WWOX: variants seen among roughly 807,000 people sequenced by gnomAD.
WWOX encodes WW domain-containing oxidoreductase.
Under a neutral mutation model 46.2 loss-of-function variants are expected in WWOX, and 69 were observed. The observed-to-expected ratio is 1.49, with a 90% CI of 1.23 to 1.82. The LOEUF (loss-of-function observed/expected upper bound fraction) is 1.82. WWOX is among the 40% of genes most tolerant of loss of function. WWOX has a pLI of 0.00. For missense variants in WWOX, 919 were observed against 542.6 expected (o/e 1.69, Z -6.89); for synonymous variants, 359 against 202.6 (o/e 1.77, Z -6.56).
chr16:79,117,626 A>C (rs2049543158), intron 8 of WWOX, among the ~76,000 whole-genome samples: 2 of 152,222 alleles, frequency 1.3e-5, no homozygotes, highest in African/African-American at 2.4e-5. Flanking sequence ...CTTCCAACAG[A>C]AAGCTGTTTT....
rs1567587185 is a variant in WWOX, at chr16:78,461,976, G to C, written c.1056+29224G>C. 4.6e-5 allele frequency among the ~76,000 whole-genome samples: 7 copies of C among 152,312 alleles called. No individual in the cohort carries two copies. The South Asian group carries it at 1.4e-3, about 32-fold the overall frequency. On this transcript the variant is annotated intron_variant, in intron 8 of 8. Coordinates refer to ENST00000566780, the MANE Select transcript of WWOX (RefSeq NM_016373.4). The stretch of plus-strand genomic sequence containing the variant: ...TATCCCAATGGAAGGACCCTCAACA[G>C]ACCATTTTCAGCATTTTGCTACAAT...
At chr16:78,113,072 C>G (rs763672773) in intron 3 of WWOX, among the ~76,000 whole-genome samples, 1 of 152,208 alleles carries the variant, frequency 6.6e-6, no homozygotes, top group Non-Finnish European at 1.5e-5. Context: ...TTTGCATTCA[C>G]GCTTGGAAAG....
At chr16:79,189,106 A>G (rs1204938538) in intron 8 of WWOX, among the ~76,000 whole-genome samples, 3 of 152,206 alleles carry the variant, frequency 2.0e-5, no homozygotes, top group Non-Finnish European at 4.4e-5. Context: ...CTTGTCTGCT[A>G]GAAACCTAGG....
chr16:78,633,591 C>A (rs1465658463), intron 8 of WWOX, among the ~76,000 whole-genome samples: 1 of 152,164 alleles, frequency 6.6e-6, no homozygotes, highest in Non-Finnish European at 1.5e-5. Context: ...AGGCCTCTGG[C>A]TTCAGAGATG....
chr16:78,700,312 CAGAGAGAGAGAGAGAGAGAGAGAGAG>C lies in WWOX; in HGVS notation c.1056+267584_1056+267609del, dbSNP rs55638553. On this transcript the variant is annotated intron_variant, in intron 8 of 8. Coordinates refer to ENST00000566780, the MANE Select transcript of WWOX (RefSeq NM_016373.4). ...TCTTGCTGTGTCCTCACTTAGTAGACAGAGAGAGAGAGAGAGAGAGAGAGAGAGAGAGAGAGAGAGAGAGAGAGACC... is the reference window on the plus strand; with the variant it reads ...TCTTGCTGTGTCCTCACTTAGTAGACAGAGAGAGAGAGAGAGAGAGAGACC... Among the ~76,000 whole-genome samples, 496 of 130,558 alleles carry C rather than the reference CAGAGAGAGAGAGAGAGAGAGAGAGAG, an allele frequency of 3.8e-3. 6 individuals carry two copies. Among genetic ancestry groups the C allele is most frequent in the Non-Finnish European group, 1.7e-3 (105 of 61,540 alleles). The allele number at this position is 130,558 out of a possible 152,430, so 85.7% of individuals were successfully genotyped here.
At chr16:78,745,008 C>T (rs1313697413) in intron 8 of WWOX, among the ~76,000 whole-genome samples, 1 of 152,208 alleles carries the variant, frequency 6.6e-6, no homozygotes, top group Non-Finnish European at 1.5e-5. Context: ...CCCTGCTTCC[C>T]AGCACATACC....
chr16:78,941,015 C>G (rs1378952781), intron 8 of WWOX, among the ~76,000 whole-genome samples: 1 of 151,784 alleles, frequency 6.6e-6, no homozygotes, highest in Non-Finnish European at 1.5e-5. Flanking sequence ...GTATATATCA[C>G]TTTTCCCTTG....
Position 79,211,920 on chromosome 16 carries a change from G to GCATT in WWOX, c.*126_*127insTTCA. On this transcript the variant is annotated 3_prime_UTR_variant, in exon 9 of 9. Coordinates refer to ENST00000566780, the MANE Select transcript of WWOX (RefSeq NM_016373.4). ...ATCCGCAAGAGTAAAGGAAATAAGA[G>GCATT]CAGTCACAACAGAGTGAAAAATCTT... is the stretch of plus-strand genomic sequence containing the variant. 6.5e-7 allele frequency: 1 copy of GCATT among 1,543,598 alleles called. No individual in the cohort carries two copies. The highest frequency in any genetic ancestry group is 1.7e-4 in the Middle Eastern group (1 of 5,996).
chr16:79,003,294 G>A (rs1339348413), intron 8 of WWOX, among the ~76,000 whole-genome samples: 2 of 152,116 alleles, frequency 1.3e-5, no homozygotes, highest in Admixed American at 1.3e-4. Context: ...AAAGTCTATT[G>A]TCACAAGGAA....
chr16:78,740,844 C>T (rs975794329), intron 8 of WWOX, among the ~76,000 whole-genome samples: 1 of 152,124 alleles, frequency 6.6e-6, no homozygotes, highest in Admixed American at 6.6e-5. Context: ...TCTTATAACT[C>T]CTATGATAAA....
At chr16:78,193,385 G>A (rs1415852318) in intron 5 of WWOX, among the ~76,000 whole-genome samples, 4 of 152,140 alleles carry the variant, frequency 2.6e-5, no homozygotes, top group Admixed American at 6.5e-5. Flanking sequence ...CTAAAACCAC[G>A]AACATACATG....
At chr16:79,140,856 TC>T (rs1249360914) in intron 8 of WWOX, among the ~76,000 whole-genome samples, 1 of 152,290 alleles carries the variant, frequency 6.6e-6, no homozygotes, top group East Asian at 1.9e-4. Context: ...TCAAACAGTT[TC>T]CGTACGTCAG....
chr16:78,427,331 T>G (rs540372311), intron 7 of WWOX, among the ~76,000 whole-genome samples: 1 of 152,362 alleles, frequency 6.6e-6, no homozygotes, highest in Non-Finnish European at 1.5e-5. Context: ...ATCTGGAATC[T>G]GAGCAACTGA....
At chr16:79,065,510 G>T (rs754486384) in intron 8 of WWOX, among the ~76,000 whole-genome samples, 1 of 152,236 alleles carries the variant, frequency 6.6e-6, no homozygotes. Flanking sequence ...GGCCTAGGTG[G>T]GGTCAGTGGG....
At chr16:78,321,392 A>G (rs1307922624) in intron 5 of WWOX, among the ~76,000 whole-genome samples, 2 of 96,960 alleles carry the variant, frequency 2.1e-5, no homozygotes, top group Admixed American at 1.1e-4. Context: ...GTATATATAT[A>G]CGTATATATA....
At chr16:78,789,114 A>C (rs1370411827) in intron 8 of WWOX, among the ~76,000 whole-genome samples, 1 of 152,164 alleles carries the variant, frequency 6.6e-6, no homozygotes, top group South Asian at 2.1e-4. Context: ...ATCCAAGGTC[A>C]TGAACGTTTA....
chr16:79,026,169 C>T (rs1350049704), intron 8 of WWOX, among the ~76,000 whole-genome samples: 1 of 151,700 alleles, frequency 6.6e-6, no homozygotes, highest in Non-Finnish European at 1.5e-5. Context: ...AGTTTCCTCA[C>T]TCCTTTTAGG....
intron 4 of WWOX, among the ~76,000 whole-genome samples, chr16:78,153,407 A>C (rs2034485464): frequency 6.6e-6 from 1 of 152,156 alleles, no homozygotes; most frequent in Admixed American, 6.5e-5. Flanking sequence ...CTCATCCTTA[A>C]AGATAGTAGT....
intron 5 of WWOX, among the ~76,000 whole-genome samples, chr16:78,320,886 G>A (rs960263228): frequency 2.6e-5 from 4 of 152,114 alleles, no homozygotes; most frequent in African/African-American, 9.7e-5. Flanking sequence ...AATGAAAATA[G>A]CTTCATGTGT....
Sources: gnomAD v4.1 joint callset for allele counts (sites outside exome capture counted in the v4.1 genomes callset) on GRCh38, gnomAD v4.1.1 for gene constraint, MANE v1.5 for transcripts, NCBI Gene and HGNC (gene_info 2026-07-23, HGNC 2026-07-21) for gene names.